Variants in ARL4A observed in about 807,000 individuals in gnomAD.
ARL4A encodes the protein ADP-ribosylation factor-like protein 4A.
In ARL4A, 5 loss-of-function variants were observed where a neutral mutation model predicts 13.9. The ratio of observed to expected loss-of-function variants is 0.36; its 90% CI spans 0.19 to 0.75. The LOEUF (loss-of-function observed/expected upper bound fraction) is 0.75, where lower values mean the gene tolerates loss of function less well. ARL4A is among the 30% of genes least tolerant of loss of function. The pLI, the probability that ARL4A is intolerant of heterozygous loss-of-function variation, is 0.53. For missense variants in ARL4A, 147 were observed against 225.8 expected (o/e 0.65, Z 2.24); for synonymous variants, 77 against 84.4 (o/e 0.91, Z 0.48).
chr7:12,686,925 A>C (rs1231043267), upstream of ARL4A: 1 of 151,466 alleles, frequency 6.6e-6, no homozygotes, highest in Non-Finnish European at 1.5e-5. Flanking sequence ...GGCGCCCGCC[A>C]GGCGCCCAGT....
At chr7:12,687,160 C>CG (rs1286662094), upstream of ARL4A, 1 of 152,228 alleles carries the variant, frequency 6.6e-6, no homozygotes, top group East Asian at 1.9e-4. This position sits in a 1 kb window ranked among gnomAD's most constrained non-coding sequence, Gnocchi z 5.6. Flanking sequence ...GGGCTTATCC[C>CG]GGCGGGCGCG....
In ARL4A at chr7:12,689,848, A is replaced by G. The variant is rs1784589141; in HGVS notation, c.*991A>G. On this transcript the variant is annotated 3_prime_UTR_variant, in exon 2 of 2. Coordinates refer to ENST00000651779, the MANE Select transcript of ARL4A (RefSeq NM_005738.5). Reference sequence around the variant, plus strand: ...CTGGCTAAAAACAAATGTGGTTTTTATATATTTTTGTAGTGTGTTGAGAAG... The same window carrying G: ...CTGGCTAAAAACAAATGTGGTTTTTGTATATTTTTGTAGTGTGTTGAGAAG... 6.0e-6 allele frequency: 1 copy of G among 166,892 alleles called. No homozygotes were observed. The highest frequency in any genetic ancestry group is 2.4e-5 in the African/African-American group (1 of 41,472). 10.3% of individuals were successfully genotyped at this position (166,892 alleles called of 1,614,324 possible).
Position 12,688,951 on chromosome 7 carries a change from C to G in ARL4A, c.*94C>G. The G allele has an allele frequency of 7.9e-7, 1 of 1,266,166 alleles. No homozygotes were observed. The highest frequency in any genetic ancestry group is 2.3e-5 in the East Asian group (1 of 42,824). The allele number at this position is 1,266,166 out of a possible 1,614,324, so 78.4% of individuals were successfully genotyped here. ...TCTACAGCGTGGTTTGCCTGTCTGC[C>G]CTCCTGGATGCTATTAAAGCTTTGT... On this transcript the variant is annotated 3_prime_UTR_variant, in exon 2 of 2. Transcript: ENST00000651779. This position sits in a 1 kb window ranked among gnomAD's most constrained non-coding sequence, Gnocchi z 5.2.
rs1027906323 is a variant in ARL4A, at chr7:12,689,461, C to A, written c.*604C>A. The A allele has an allele frequency of 1.2e-5, 2 of 167,062 alleles. No homozygotes were observed. The highest frequency in any genetic ancestry group is 6.5e-5 in the Admixed American group (1 of 15,268). The allele number at this position is 167,062 out of a possible 1,614,324, so 10.3% of individuals were successfully genotyped here. Reference sequence around the variant, plus strand: ...CTAGACAATGTTTAAGTTGGTCTACCTTTATTAAAAATAAGATATTTGGGG... The same window carrying A: ...CTAGACAATGTTTAAGTTGGTCTACATTTATTAAAAATAAGATATTTGGGG... On this transcript the variant is annotated 3_prime_UTR_variant, in exon 2 of 2. Transcript: ENST00000651779.
At position 12,688,749 on chromosome 7, in the gene ARL4A, G is replaced by A. The variant is rs768637091; in HGVS notation, c.495G>A (p.Gln165=). The change falls in exon 2 of 2, where the codon CAG becomes CAA. Residue 165 remains glutamine, a synonymous_variant. Coordinates refer to ENST00000651779, the MANE Select transcript of ARL4A (RefSeq NM_005738.5). The surrounding 1 kb of genome is among the most constrained non-coding windows in gnomAD (Gnocchi z 5.2). ...GCTCATCAACTCCTTGGCATTTGCA[G>A]CCTACCTGTGCAATCATAGGAGATG... The part of the protein sequence containing the change: ...ELSSSTPWHL[Q]PTCAIIGDGL... 8 of 1,613,962 alleles carry A rather than the reference G, an allele frequency of 5.0e-6. No homozygotes were observed. The South Asian group carries it at 8.8e-5, about 18-fold the overall frequency.
In ARL4A at chr7:12,690,882, T is replaced by C. The variant is rs1165470802; in HGVS notation, c.*2025T>C. The C allele has an allele frequency of 6.0e-6, 1 of 166,806 alleles. No individual in the cohort carries two copies. Among genetic ancestry groups the C allele is most frequent in the Non-Finnish European group, 1.5e-5 (1 of 68,116 alleles). The allele number at this position is 166,806 out of a possible 1,614,324, so 10.3% of individuals were successfully genotyped here. On this transcript the variant is annotated 3_prime_UTR_variant, in exon 2 of 2. Transcript: ENST00000651779. ...TGTTATCTAAGTTTTTCATATTTCA[T>C]GGACAACAAAAGAGAAAATGGTATG... is the stretch of plus-strand genomic sequence containing the variant.
chr7:12,688,503 G>A lies in ARL4A; in HGVS notation c.249G>A (p.Arg83=), dbSNP rs143764959. 5,400 of 1,611,944 alleles carry A rather than the reference G, an allele frequency of 3.3e-3. 93 individuals are homozygous for A. The African/African-American group carries it at 0.043, about 13-fold the overall frequency. The change falls in exon 2 of 2, where the codon AGG becomes AGA. Residue 83 remains arginine, a synonymous_variant. Coordinates refer to ENST00000651779, the MANE Select transcript of ARL4A (RefSeq NM_005738.5). The surrounding 1 kb of genome is among the most constrained non-coding windows in gnomAD (Gnocchi z 5.2). ...FWDVGGQEKL[R]PLWKSYTRCT... The stretch of plus-strand genomic sequence containing the variant: ...ATGTAGGTGGTCAGGAGAAATTAAG[G>A]CCACTGTGGAAGTCATATACCAGAT...
Position 12,689,190 on chromosome 7 carries a change from T to A in ARL4A, c.*333T>A, listed in dbSNP as rs181711110. ...CTTTAAAGAGTGTCTGCCTAGTGTT[T>A]TGTGCTTACATCTTTCGGGGGGAAG... On this transcript the variant is annotated 3_prime_UTR_variant, in exon 2 of 2. Transcript: ENST00000651779. 4.3e-6 allele frequency: 1 copy of A among 232,014 alleles called. No individual in the cohort carries two copies. The highest frequency in any genetic ancestry group is 2.3e-5 in the African/African-American group (1 of 43,136). 14.4% of individuals were successfully genotyped at this position (232,014 alleles called of 1,614,324 possible).
rs1338238693 is a variant in ARL4A at position 12,689,402 on chromosome 7, C to T, written c.*545C>T. ...TCTGCCAAATGATTTTTGACGCTTT[C>T]TGGAATCAAGTAATTTAATAGTATA... On this transcript the variant is annotated 3_prime_UTR_variant, in exon 2 of 2. Transcript: ENST00000651779. 1.8e-5 allele frequency: 3 copies of T among 167,552 alleles called. No individual in the cohort carries two copies. The highest frequency in any genetic ancestry group is 6.5e-5 in the Admixed American group (1 of 15,318). 10.4% of individuals were successfully genotyped at this position (167,552 alleles called of 1,614,324 possible).
Position 12,690,895 on chromosome 7 carries a change from A to T in ARL4A, c.*2038A>T, listed in dbSNP as rs1309904405. 1.2e-5 allele frequency: 2 copies of T among 166,628 alleles called. No homozygotes were observed. The highest frequency in any genetic ancestry group is 4.8e-5 in the African/African-American group (2 of 41,468). 10.3% of individuals were successfully genotyped at this position (166,628 alleles called of 1,614,324 possible). On this transcript the variant is annotated 3_prime_UTR_variant, in exon 2 of 2. Coordinates refer to ENST00000651779, the MANE Select transcript of ARL4A (RefSeq NM_005738.5). ...TTTCATATTTCATGGACAACAAAAG[A>T]GAAAATGGTATGAACACTGTACAAA...
At position 12,688,592 on chromosome 7, in the gene ARL4A, C is replaced by T; in HGVS notation, c.338C>T (p.Thr113Ile). ...GTCGAAAGGATGGAAGAAGCCAAAACTGAACTTCACAAAATAACTAGGATA... is the reference window on the plus strand; with the variant it reads ...GTCGAAAGGATGGAAGAAGCCAAAATTGAACTTCACAAAATAACTAGGATA... Reference protein sequence around the residue: ...VDVERMEEAKTELHKITRISE... With the variant: ...VDVERMEEAKIELHKITRISE... Residue 113 changes from threonine to isoleucine, a missense_variant, in exon 2 of 2, where the codon ACT (threonine) becomes ATT (isoleucine). Thr to Ile is a moderately conservative substitution (Grantham distance 89, BLOSUM62 -1). Coordinates refer to ENST00000651779, the MANE Select transcript of ARL4A (RefSeq NM_005738.5). This position sits in a 1 kb window ranked among gnomAD's most constrained non-coding sequence, Gnocchi z 5.2. The T allele has an allele frequency of 6.2e-7, 1 of 1,612,422 alleles. No individual in the cohort carries two copies. The highest frequency in any genetic ancestry group is 8.5e-7 in the Non-Finnish European group (1 of 1,179,838).
Position 12,688,340 on chromosome 7 carries a change from A to G in ARL4A, c.86A>G (p.Asp29Gly). Reference protein sequence around the residue: ...QSFHIVILGLDCAGKTTVLYR... With the variant: ...QSFHIVILGLGCAGKTTVLYR... ...TTCCACATTGTTATTCTGGGTTTGG[A>G]CTGTGCTGGAAAGACAACTGTCTTA... Residue 29 changes from aspartate (D) to glycine (G), a missense_variant, in exon 2 of 2, where the codon GAC (aspartate) becomes GGC (glycine). Asp to Gly is a moderately conservative substitution (Grantham distance 94, BLOSUM62 -1). Transcript: ENST00000651779. The surrounding 1 kb of genome is among the most constrained non-coding windows in gnomAD (Gnocchi z 5.2). The G allele has an allele frequency of 8.1e-6, 13 of 1,613,880 alleles. No individual in the cohort carries two copies. Among genetic ancestry groups the G allele is most frequent in the Non-Finnish European group, 1.1e-5 (13 of 1,179,848 alleles).
At position 12,689,944 on chromosome 7, in the gene ARL4A, G is replaced by A. The variant is rs1211635614; in HGVS notation, c.*1087G>A. 2 of 167,016 alleles carry A rather than the reference G, an allele frequency of 1.2e-5. No homozygotes were observed. The highest frequency in any genetic ancestry group is 2.9e-5 in the Non-Finnish European group (2 of 68,098). The allele number at this position is 167,016 out of a possible 1,614,324, so 10.3% of individuals were successfully genotyped here. A position where few individuals can be genotyped will look rare whatever the true frequency, so the allele number is the denominator to read the frequency against. On this transcript the variant is annotated 3_prime_UTR_variant, in exon 2 of 2. Transcript: ENST00000651779. ...GTAAAAGATAACCTGTATGTGTTCC[G>A]AGCTTTAATTTTTTGTTTACAAATT...
chr7:12,688,034 A>G lies in ARL4A; in HGVS notation c.-89-132A>G, dbSNP rs985603679. On this transcript the variant is annotated intron_variant, in intron 1 of 1. Transcript: ENST00000651779. This position sits in a 1 kb window ranked among gnomAD's most constrained non-coding sequence, Gnocchi z 5.2. ...CTGTGTGTGTTTTCATGTACGTTTCATATCTCGTCTGGTTTGTTTAGCGCA... is the reference window on the plus strand; with the variant it reads ...CTGTGTGTGTTTTCATGTACGTTTCGTATCTCGTCTGGTTTGTTTAGCGCA... The G allele has an allele frequency of 1.1e-5, 6 of 528,046 alleles. No homozygotes were observed. The highest frequency in any genetic ancestry group is 3.7e-5 in the Admixed American group (1 of 27,266). The allele number at this position is 528,046 out of a possible 1,614,324, so 32.7% of individuals were successfully genotyped here. A position where few individuals can be genotyped will look rare whatever the true frequency, so the allele number is the denominator to read the frequency against.
In ARL4A at chr7:12,687,827, T is replaced by A. The variant is rs184489421; in HGVS notation, c.-90+99T>A. ...AGATTCCGAAGATAGGACTATCTGC[T>A]ATGAGTTTTCTGCCAGATAGGCACT... On this transcript the variant is annotated intron_variant, in intron 1 of 1. Transcript: ENST00000651779. This position sits in a 1 kb window ranked among gnomAD's most constrained non-coding sequence, Gnocchi z 5.6. The A allele has an allele frequency of 6.9e-4, 113 of 163,724 alleles. No homozygotes were observed. Among genetic ancestry groups the A allele is most frequent in the African/African-American group, 2.1e-3 (87 of 41,774 alleles). 10.1% of individuals were successfully genotyped at this position (163,724 alleles called of 1,614,324 possible). A position where few individuals can be genotyped will look rare whatever the true frequency, so the allele number is the denominator to read the frequency against.
At position 12,688,564 on chromosome 7, in the gene ARL4A, G is replaced by A. The variant is rs367580414; in HGVS notation, c.310G>A (p.Asp104Asn). The change falls in exon 2 of 2, where the codon GAT (aspartate) becomes AAT (asparagine). Residue 104 changes from aspartate (D) to asparagine (N), a missense_variant. Transcript: ENST00000651779. This position sits in a 1 kb window ranked among gnomAD's most constrained non-coding sequence, Gnocchi z 5.2. The part of the protein sequence containing the change: ...DGIVFVVDSV[D>N]VERMEEAKTE... The stretch of plus-strand genomic sequence containing the variant: ...CATTGTATTTGTTGTGGACTCTGTT[G>A]ATGTCGAAAGGATGGAAGAAGCCAA... 6.2e-7 allele frequency: 1 copy of A among 1,612,064 alleles called. No individual in the cohort carries two copies. Among genetic ancestry groups the A allele is most frequent in the East Asian group, 2.2e-5 (1 of 44,878 alleles).
upstream of ARL4A, chr7:12,687,368 C>T (rs936975662): frequency 3.3e-5 from 5 of 152,248 alleles, no homozygotes; most frequent in African/African-American, 1.2e-4. The surrounding 1 kb of genome is among the most constrained non-coding windows in gnomAD (Gnocchi z 5.6). Context: ...GCCCGAGGCT[C>T]CCCTTCACCT....
In ARL4A at chr7:12,688,440, C is replaced by T. The variant is rs969755512; in HGVS notation, c.186C>T (p.Thr62=). 5.0e-6 allele frequency: 8 copies of T among 1,613,152 alleles called. No homozygotes were observed. The African/African-American group carries it at 9.3e-5, about 19-fold the overall frequency. ...TTAACACTGAGAAAATTAAGGTAAC[C>T]TTGGGAAATTCTAAAACAGTCACTT... ...KGFNTEKIKV[T]LGNSKTVTFH... The change falls in exon 2 of 2, where the codon ACC becomes ACT. Residue 62 remains threonine (T), a synonymous_variant. Coordinates refer to ENST00000651779, the MANE Select transcript of ARL4A (RefSeq NM_005738.5). The surrounding 1 kb of genome is among the most constrained non-coding windows in gnomAD (Gnocchi z 5.2).
Position 12,690,300 on chromosome 7 carries a change from GTTTTTTTT to G in ARL4A, c.*1450_*1457del, listed in dbSNP as rs66751850. ...TTTTGGCTTTGGGTTTTGTTTTTTT[GTTTTTTTT>G]TTTTTTCAGTGGCATAACAGTTTTT... is the stretch of plus-strand genomic sequence containing the variant. On this transcript the variant is annotated 3_prime_UTR_variant, in exon 2 of 2. Coordinates refer to ENST00000651779, the MANE Select transcript of ARL4A (RefSeq NM_005738.5). 1 of 150,430 alleles carries G rather than the reference GTTTTTTTT, an allele frequency of 6.6e-6. No homozygotes were observed. Among genetic ancestry groups the G allele is most frequent in the Non-Finnish European group, 1.6e-5 (1 of 63,888 alleles). 9.3% of individuals were successfully genotyped at this position (150,430 alleles called of 1,614,324 possible). A position where few individuals can be genotyped will look rare whatever the true frequency, so the allele number is the denominator to read the frequency against.
Sources: allele counts gnomAD v4.1 joint callset, GRCh38; gene constraint gnomAD v4.1.1; non-coding constraint Gnocchi (gnomAD v3.1); transcripts MANE v1.5; gene names NCBI Gene and HGNC (gene_info 2026-07-23, HGNC 2026-07-21).